BIN1: variants seen among roughly 807,000 people sequenced by gnomAD.
BIN1 encodes bridging integrator 1, also known as myc box-dependent-interacting protein 1.
A neutral mutation model predicts 82.0 loss-of-function variants in BIN1; 53 were observed. The ratio of observed to expected loss-of-function variants is 0.65; its 90% CI spans 0.52 to 0.81. The LOEUF (loss-of-function observed/expected upper bound fraction) is 0.81, where lower values mean the gene tolerates loss of function less well. Among genes scored for constraint, BIN1 ranks in the 40% least tolerant of loss-of-function variants. BIN1 has a pLI of 0.00. For synonymous variants in BIN1, 302 were observed against 328.0 expected (o/e 0.92, Z 0.86); for missense variants, 642 against 784.4 (o/e 0.82, Z 2.17).
chr2:127,099,371 T>TGTGTGG (rs1371714426), intron 1 of BIN1, among the ~76,000 whole-genome samples: 1 of 151,622 alleles, frequency 6.6e-6, no homozygotes, highest in Non-Finnish European at 1.5e-5. Context: ...TGTGTGTGTG[T>TGTGTGG]GGTAGCGGGG....
chr2:127,060,575 C>A lies in BIN1; in HGVS notation c.858-1420G>T, dbSNP rs200135186. ...CAGGGCGCGGGCCTCTGCGCCCCTC[C>A]GCAGCACTCACTGCCGGTACCTGTT... On this transcript the variant is annotated intron_variant, in intron 10 of 18. Transcript: ENST00000316724. 2.5e-6 allele frequency: 4 copies of A among 1,613,930 alleles called. No homozygotes were observed. The African/African-American group carries it at 5.3e-5, about 22-fold the overall frequency.
intron 1 of BIN1, among the ~76,000 whole-genome samples, chr2:127,091,713 A>T (rs1678948451): frequency 6.9e-6 from 1 of 145,888 alleles, no homozygotes; most frequent in South Asian, 2.2e-4. Flanking sequence ...ATGTAAGGAG[A>T]CCCCATTTCT....
Position 127,057,257 on chromosome 2 carries a change from T to C in BIN1, c.1131+216A>G, listed in dbSNP as rs576329019. ...CCGGGAGAGGCGGCACCTTCCCCTC[T>C]GTGGCCCTGCATCTGGCCTTAGTAC... On this transcript the variant is annotated intron_variant, in intron 12 of 18. Transcript: ENST00000316724. This position sits in a 1 kb window ranked among gnomAD's most constrained non-coding sequence, Gnocchi z 5.0. Among the ~76,000 whole-genome samples the C allele has an allele frequency of 2.0e-5, 3 of 152,334 alleles. No homozygotes were observed. In the South Asian group the frequency reaches 6.2e-4, roughly 32 times the overall value.
chr2:127,053,823 C>T (rs2104896278), intron 13 of BIN1, 82 bp downstream of exon 13: 2 of 1,359,722 alleles, frequency 1.5e-6, no homozygotes, highest in Admixed American at 4.0e-5. Context: ...TAGCTGGGGT[C>T]ACGTGGCCAA....
Position 127,107,000 on chromosome 2 carries a change from CGCCGCGCTCCCAGCCCCCAGCCCCG to C in BIN1, c.-82_-58del. Reference sequence around the variant, plus strand: ...CGCTCTCGCGCGGGGAGATCTTGCGCGCCGCGCTCCCAGCCCCCAGCCCCGGCCGCGCGTCCAGACCGGCTGCCGC... The same window carrying C: ...CGCTCTCGCGCGGGGAGATCTTGCGCGCCGCGCGTCCAGACCGGCTGCCGC... On this transcript the variant is annotated 5_prime_UTR_variant, in exon 1 of 19. Transcript: ENST00000316724. The C allele has an allele frequency of 1.3e-6, 2 of 1,542,518 alleles. No homozygotes were observed. The highest frequency in any genetic ancestry group is 1.7e-6 in the Non-Finnish European group (2 of 1,148,240).
intron 2 of BIN1, among the ~76,000 whole-genome samples, chr2:127,075,855 A>C (rs1573682993): frequency 3.1e-5 from 2 of 65,126 alleles, no homozygotes; most frequent in Non-Finnish European, 5.7e-5. Context: ...GAATGCTCCC[A>C]GTTGTTCCCT....
At chr2:127,096,879 G>A (rs1679668553) in intron 1 of BIN1, among the ~76,000 whole-genome samples, 2 of 152,198 alleles carry the variant, frequency 1.3e-5, no homozygotes, top group Non-Finnish European at 1.5e-5. Context: ...AAAGAAAGTA[G>A]CAGCAGCTGT....
intron 12 of BIN1, chr2:127,055,389 C>T (rs1683512237): frequency 6.6e-6 from 1 of 152,340 alleles, no homozygotes; most frequent in African/African-American, 2.4e-5. Flanking sequence ...CAAGTGGACT[C>T]ACTTCCTAGA....
At position 127,048,562 on chromosome 2, in the gene BIN1, G is replaced by A. The variant is rs578196295; in HGVS notation, c.1746C>T (p.Gly582=). 60 of 1,613,360 alleles carry A rather than the reference G, an allele frequency of 3.7e-5. No homozygotes were observed. The highest frequency in any genetic ancestry group is 4.6e-5 in the Non-Finnish European group (54 of 1,179,912). ...NQHKELEKCR[G]VFPENFTERV... is the part of the protein sequence containing the mutation. ...TCTCAGTGAAGTTCTCGGGGAAGAC[G>A]CCACGGCACTTCTCCAGCTCCTTGT... The change falls in exon 19 of 19, where the codon GGC becomes GGT. Residue 582 remains glycine (G), a synonymous_variant. Transcript: ENST00000316724.
chr2:127,069,152 G>C lies in BIN1; in HGVS notation c.412-121C>G, dbSNP rs534744799. 190 of 900,532 alleles carry C rather than the reference G, an allele frequency of 2.1e-4. 1 individual carries two copies. Among genetic ancestry groups the C allele is most frequent in the Non-Finnish European group, 2.9e-4 (169 of 577,430 alleles). The allele number at this position is 900,532 out of a possible 1,614,324, so 55.8% of individuals were successfully genotyped here. On this transcript the variant is annotated intron_variant, in intron 5 of 18. Transcript: ENST00000316724. ...AGACCCCAGCTCCACAGGAACCCTT[G>C]AGCCCTTGTTGCTGGAACCCTCCTC...
chr2:127,055,464 C>T (rs532560518), intron 12 of BIN1: 2 of 147,798 alleles, frequency 1.4e-5, no homozygotes, highest in African/African-American at 4.9e-5. Context: ...TCCTTTAGGT[C>T]CAGCCCTGTC....
At position 127,067,464 on chromosome 2, in the gene BIN1, T is replaced by TA. The variant is rs1326612493; in HGVS notation, c.612+698dup. Among the ~76,000 whole-genome samples, 4 of 152,040 alleles carry TA rather than the reference T, an allele frequency of 2.6e-5. No individual in the cohort carries two copies. The highest frequency in any genetic ancestry group is 7.2e-5 in the African/African-American group (3 of 41,386). On this transcript the variant is annotated intron_variant, in intron 7 of 18. Transcript: ENST00000316724. This position sits in a 1 kb window ranked among gnomAD's most constrained non-coding sequence, Gnocchi z 4.7. The stretch of plus-strand genomic sequence containing the variant: ...ATGGTGAGATGGCCCAGGAGTTTTG[T>TA]AAAAAAGCCTCCTCCGGGAAGCCCC...
intron 1 of BIN1, among the ~76,000 whole-genome samples, chr2:127,078,192 C>A (rs532505768): frequency 6.3e-4 from 96 of 152,302 alleles, no homozygotes; most frequent in East Asian, 2.3e-3. Flanking sequence ...CTTCCCCCCC[C>A]AGCCAGGCCC....
chr2:127,060,920 C>G (rs553995355), intron 10 of BIN1, among the ~76,000 whole-genome samples: 3 of 152,316 alleles, frequency 2.0e-5, no homozygotes, highest in African/African-American at 7.2e-5. Flanking sequence ...TGGTCCCAGT[C>G]CCCAGGAGCT....
intron 9 of BIN1, among the ~76,000 whole-genome samples, chr2:127,063,001 T>TG (rs1174050082): frequency 2.6e-5 from 4 of 152,150 alleles, no homozygotes; most frequent in Non-Finnish European, 5.9e-5. Flanking sequence ...GACCCACCAC[T>TG]GGGGGCGGGG....
chr2:127,068,480 A>C lies in BIN1; in HGVS notation c.520-225T>G, dbSNP rs1685444322. Among the ~76,000 whole-genome samples the C allele has an allele frequency of 6.6e-6, 1 of 152,144 alleles. No homozygotes were observed. Among genetic ancestry groups the C allele is most frequent in the African/African-American group, 2.4e-5 (1 of 41,422 alleles). ...AAAAGGTGAGCGTGGTTAGCAGCAC[A>C]GGGGGCCCAGCAAGCACGGCCCTGC... On this transcript the variant is annotated intron_variant, in intron 6 of 18. Coordinates refer to ENST00000316724, the MANE Select transcript of BIN1 (RefSeq NM_139343.3). This position sits in a 1 kb window ranked among gnomAD's most constrained non-coding sequence, Gnocchi z 4.9.
rs1685788746 is a variant in BIN1 at position 127,070,796 on chromosome 2, C to T, written c.186G>A (p.Gln62=). The change falls in exon 3 of 19, where the codon CAG becomes CAA. Residue 62 remains glutamine (Q), a synonymous_variant. Transcript: ENST00000316724. ...AGGCCAGGTAGGTCCGGAGATCCTTCTGCAGCCGGGTGCCCTCCGTCTGCA... is the reference window on the plus strand; with the variant it reads ...AGGCCAGGTAGGTCCGGAGATCCTTTTGCAGCCGGGTGCCCTCCGTCTGCA... ...NKQLTEGTRL[Q]KDLRTYLASV... is the part of the protein sequence containing the mutation. 1.2e-6 allele frequency: 2 copies of T among 1,612,728 alleles called. No homozygotes were observed. Among genetic ancestry groups the T allele is most frequent in the African/African-American group, 2.7e-5 (2 of 74,864 alleles).
At chr2:127,100,432 T>A (rs1466335447) in intron 1 of BIN1, among the ~76,000 whole-genome samples, 1 of 152,130 alleles carries the variant, frequency 6.6e-6, no homozygotes, top group Non-Finnish European at 1.5e-5. Flanking sequence ...TTTGCTTGTC[T>A]CCAAGGCCTT....
At position 127,057,868 on chromosome 2, in the gene BIN1, G is replaced by A. The variant is rs1683912187; in HGVS notation, c.1003-267C>T. Among the ~76,000 whole-genome samples the A allele has an allele frequency of 7.4e-6, 1 of 134,908 alleles. No homozygotes were observed. The allele number at this position is 134,908 out of a possible 152,430, so 88.5% of individuals were successfully genotyped here. On this transcript the variant is annotated intron_variant, in intron 11 of 18. Transcript: ENST00000316724. The surrounding 1 kb of genome is among the most constrained non-coding windows in gnomAD (Gnocchi z 5.0). Reference sequence around the variant, plus strand: ...GAGAGAGAAGAGATAGAGAAGTGAGGGGAGAGGAGGAAGGAGAGCGAAGAA... The same window carrying A: ...GAGAGAGAAGAGATAGAGAAGTGAGAGGAGAGGAGGAAGGAGAGCGAAGAA...
Sources: gnomAD v4.1 joint callset for allele counts (sites outside exome capture counted in the v4.1 genomes callset) on GRCh38, gnomAD v4.1.1 for gene constraint, Gnocchi (gnomAD v3.1) non-coding constraint, MANE v1.5 for transcripts, NCBI Gene and HGNC (gene_info 2026-07-23, HGNC 2026-07-21) for gene names.